The following IFT43 variants were observed in gnomAD, a reference collection of about 807,000 sequenced individuals.
The protein encoded by IFT43 is intraflagellar transport protein 43 homolog.
Under a neutral mutation model 32.3 loss-of-function variants are expected in IFT43, and 33 were observed. That is an observed-to-expected ratio of 1.02 (90% CI 0.77 to 1.37). IFT43 has a LOEUF of 1.37. IFT43 is among the 40% of genes most tolerant of loss of function. The pLI is 0.00. For missense variants in IFT43, 274 were observed against 265.9 expected (o/e 1.03, Z -0.21); for synonymous variants, 93 against 98.2 (o/e 0.95, Z 0.31).
At chr14:75,986,174 G>A (rs2035522893) in intron 1 of IFT43, 2 of 1,332,806 alleles carry the variant, frequency 1.5e-6, no homozygotes, top group Admixed American at 2.2e-5. Context: ...AGGGTGATAG[G>A]GGAGCCCCGG....
chr14:76,010,803 G>A (rs10146260), intron 2 of IFT43, among the ~76,000 whole-genome samples: 1 of 151,694 alleles, frequency 6.6e-6, no homozygotes, highest in Non-Finnish European at 1.5e-5. Flanking sequence ...TTTTTATAGC[G>A]CTTTTGTTCA....
intron 3 of IFT43, among the ~76,000 whole-genome samples, chr14:76,044,148 A>G (rs752750443): frequency 6.7e-6 from 1 of 150,256 alleles, no homozygotes; most frequent in Non-Finnish European, 1.5e-5. Context: ...CTTCCGCCCT[A>G]TGTGCCTCAG....
At chr14:76,054,200 A>G (rs910576018) in intron 3 of IFT43, among the ~76,000 whole-genome samples, 1 of 152,198 alleles carries the variant, frequency 6.6e-6, no homozygotes, top group Non-Finnish European at 1.5e-5. Context: ...TGTACATTGA[A>G]AAAGCTTCCG....
rs1331023504 is a variant in IFT43, at chr14:76,058,282, TA to T, written c.216-358del. ...AGTGCTGACAGCTAACAACACCAAA[TA>T]AGACCCAGGGTCTCAGTCCTAAGAA... On this transcript the variant is annotated intron_variant, in intron 3 of 8. Transcript: ENST00000314067. 1.0e-5 allele frequency: 3 copies of T among 291,420 alleles called. No individual in the cohort carries two copies. The East Asian group carries it at 2.8e-4, about 27-fold the overall frequency. The allele number at this position is 291,420 out of a possible 1,614,324, so 18.1% of individuals were successfully genotyped here. A position where few individuals can be genotyped will look rare whatever the true frequency, so the allele number is the denominator to read the frequency against.
At chr14:76,034,276 G>GT (rs2036559224) in intron 3 of IFT43, among the ~76,000 whole-genome samples, 1 of 152,090 alleles carries the variant, frequency 6.6e-6, no homozygotes, top group Non-Finnish European at 1.5e-5. Context: ...CATTTTCCTA[G>GT]TTACGTCCTT....
At chr14:76,002,863 TG>T (rs2035915146) in intron 2 of IFT43, among the ~76,000 whole-genome samples, 1 of 152,224 alleles carries the variant, frequency 6.6e-6, no homozygotes. Context: ...TTGAAAGAGC[TG>T]CGAGAGCAAC....
intron 5 of IFT43, among the ~76,000 whole-genome samples, chr14:76,082,046 G>A (rs552794189): frequency 6.6e-6 from 1 of 152,304 alleles, no homozygotes; most frequent in South Asian, 2.1e-4. Context: ...GAACGCCTGG[G>A]AAAAAAATCT....
At chr14:76,062,429 A>G (rs1262180010) in intron 5 of IFT43, among the ~76,000 whole-genome samples, 1 of 152,134 alleles carries the variant, frequency 6.6e-6, no homozygotes, top group Non-Finnish European at 1.5e-5. Context: ...CATTGTGAAT[A>G]TCATTATGTT....
chr14:76,010,168 C>T (rs922411085), intron 2 of IFT43, among the ~76,000 whole-genome samples: 3 of 152,144 alleles, frequency 2.0e-5, no homozygotes, highest in Admixed American at 2.0e-4. Flanking sequence ...CCACAGGAGG[C>T]TAGGGTGGGC....
At chr14:76,030,980 T>TAA (rs1220635918) in intron 3 of IFT43, among the ~76,000 whole-genome samples, 29 of 150,386 alleles carry the variant, frequency 1.9e-4, no homozygotes, top group Admixed American at 1.5e-3. Flanking sequence ...GTTTCTGGTT[T>TAA]ATCTTTCCTA....
At chr14:76,034,678 C>T (rs1363398784) in intron 3 of IFT43, among the ~76,000 whole-genome samples, 7 of 152,146 alleles carry the variant, frequency 4.6e-5, no homozygotes, top group Admixed American at 4.6e-4. Flanking sequence ...ATAACACTGC[C>T]CAGGATAGAG....
At position 76,082,705 on chromosome 14, in the gene IFT43, G is replaced by A; in HGVS notation, c.444+13G>A. 1.3e-6 allele frequency: 2 copies of A among 1,558,466 alleles called. No homozygotes were observed. The highest frequency in any genetic ancestry group is 1.8e-6 in the Non-Finnish European group (2 of 1,129,216). On this transcript the variant is annotated intron_variant, in intron 7 of 8. Coordinates refer to ENST00000314067, the MANE Select transcript of IFT43 (RefSeq NM_001102564.3). ...CATTCAGACACTGGTGAGTGGAACA[G>A]CTTCTGCATAGAGAGGCGGGCTCCA...
At chr14:76,060,924 AG>A (rs1364000215) in intron 5 of IFT43, among the ~76,000 whole-genome samples, 2 of 137,480 alleles carry the variant, frequency 1.5e-5, no homozygotes, top group African/African-American at 5.5e-5. Flanking sequence ...TTTTTGAGAC[AG>A]GGTCTCACTC....
At chr14:75,988,198 G>A (rs2035566156) in intron 1 of IFT43, among the ~76,000 whole-genome samples, 1 of 152,082 alleles carries the variant, frequency 6.6e-6, no homozygotes, top group South Asian at 2.1e-4. Flanking sequence ...GCAGCACAGG[G>A]GGACCCCATA....
intron 3 of IFT43, among the ~76,000 whole-genome samples, chr14:76,026,552 C>CAAA (rs58799745): frequency 4.9e-4 from 41 of 84,448 alleles, no homozygotes; most frequent in African/African-American, 1.2e-3. Context: ...GAGTGAAACT[C>CAAA]AAAAAAAAAA....
intron 3 of IFT43, among the ~76,000 whole-genome samples, chr14:76,049,728 A>ACTT (rs61333508): frequency 0.86 from 130,111 of 151,556 alleles, 56,016 homozygotes; most frequent in African/African-American, 0.89. Context: ...AAGAATAAGA[A>ACTT]CTTCCATTTA....
At chr14:75,999,300 T>TA (rs2035839308) in intron 2 of IFT43, among the ~76,000 whole-genome samples, 4 of 107,662 alleles carry the variant, frequency 3.7e-5, no homozygotes, top group African/African-American at 1.1e-4. Flanking sequence ...TTTTTTTTTT[T>TA]AATTTTTTGT....
intron 2 of IFT43, among the ~76,000 whole-genome samples, chr14:76,003,494 C>G (rs945893260): frequency 2.6e-5 from 4 of 151,872 alleles, no homozygotes; most frequent in African/African-American, 9.7e-5. Context: ...GGCGTGGTGA[C>G]ACACGCCTGT....
chr14:76,004,607 A>C (rs1483922773), intron 2 of IFT43, among the ~76,000 whole-genome samples: 2 of 152,164 alleles, frequency 1.3e-5, no homozygotes, highest in African/African-American at 2.4e-5. Context: ...TACTTCTTCA[A>C]ATATCTATTC....
Sources: allele counts gnomAD v4.1 joint callset (sites outside exome capture counted in the v4.1 genomes callset), GRCh38; gene constraint gnomAD v4.1.1; transcripts MANE v1.5; gene names NCBI Gene and HGNC (gene_info 2026-07-23, HGNC 2026-07-21).